SPART: variants seen among roughly 807,000 people sequenced by gnomAD.
The protein encoded by SPART is spartin, also known as spastic paraplegia 20 (Troyer syndrome).
Under a neutral mutation model 58.7 loss-of-function variants are expected in SPART, and 35 were observed. The observed-to-expected ratio is 0.60, with a 90% CI of 0.46 to 0.79. The LOEUF (loss-of-function observed/expected upper bound fraction) is 0.79. SPART is among the 30% of genes least tolerant of loss of function. The probability of loss-of-function intolerance (pLI) is 0.00; values close to 1 mark genes in which losing one functional copy is unlikely to be tolerated. For missense variants in SPART, 730 were observed against 786.1 expected, an observed-to-expected ratio of 0.93 and a Z score of 0.85; for synonymous variants, 284 against 280.7, an observed-to-expected ratio of 1.01 and a Z score of -0.12.
At chr13:36,339,462 C>T (rs1884353246) in intron 1 of SPART, among the ~76,000 whole-genome samples, 2 of 151,180 alleles carry the variant, frequency 1.3e-5, no homozygotes, top group Admixed American at 6.6e-5. Flanking sequence ...TGGTGAAACC[C>T]CGTCTAAAAA....
chr13:36,340,577 C>A (rs990588853), intron 1 of SPART, among the ~76,000 whole-genome samples: 6 of 152,058 alleles, frequency 3.9e-5, no homozygotes. Flanking sequence ...AAAATAGCTT[C>A]TAAACCCAGC....
chr13:36,351,692 TG>T (rs1885416692), intron 1 of SPART, among the ~76,000 whole-genome samples: 2 of 152,192 alleles, frequency 1.3e-5, no homozygotes, highest in African/African-American at 4.8e-5. Flanking sequence ...TTACAAATCC[TG>T]GGTGATTATG....
intron 1 of SPART, among the ~76,000 whole-genome samples, chr13:36,353,752 T>C (rs1242967268): frequency 6.6e-6 from 1 of 152,192 alleles, no homozygotes; most frequent in Non-Finnish European, 1.5e-5. Flanking sequence ...CAGGCAGATG[T>C]TTGACCATTT....
At chr13:36,318,775 A>G (rs923909706) in intron 5 of SPART, among the ~76,000 whole-genome samples, 91 of 152,096 alleles carry the variant, frequency 6.0e-4, no homozygotes, top group Admixed American at 6.5e-4. Flanking sequence ...ATTCCTCCTA[A>G]GCCCCGTCCC....
rs545887086 is a variant in SPART at position 36,360,092 on chromosome 13, G to A, written c.-3+9997C>T. Among the ~76,000 whole-genome samples, 248 of 151,640 alleles carry A rather than the reference G, an allele frequency of 1.6e-3. 2 individuals are homozygous for A. Among genetic ancestry groups the A allele is most frequent in the African/African-American group, 5.7e-3 (235 of 41,306 alleles). ...GGGCAGATCACGAGGTCAGGAGATC[G>A]AGACCATCCTGGCTAATACAGTGAA... On this transcript the variant is annotated intron_variant, in intron 1 of 8. Transcript: ENST00000355182.
At chr13:36,338,032 G>A (rs1381837710) in intron 1 of SPART, among the ~76,000 whole-genome samples, 1 of 152,154 alleles carries the variant, frequency 6.6e-6, no homozygotes, top group Non-Finnish European at 1.5e-5. Context: ...CATGTGACAA[G>A]TGTTTAGTTA....
chr13:36,305,697 T>C (rs1880446892), intron 8 of SPART, among the ~76,000 whole-genome samples: 2 of 152,200 alleles, frequency 1.3e-5, no homozygotes, highest in African/African-American at 2.4e-5. Flanking sequence ...TGAGGTCCTA[T>C]ACAGGCACAC....
intron 4 of SPART, among the ~76,000 whole-genome samples, chr13:36,328,712 T>C (rs1883182703): frequency 6.6e-6 from 1 of 152,154 alleles, no homozygotes. Flanking sequence ...TTAGAATATA[T>C]TACATACTCA....
chr13:36,344,504 T>TTA (rs1264200838), intron 1 of SPART, among the ~76,000 whole-genome samples: 2 of 152,084 alleles, frequency 1.3e-5, no homozygotes, highest in Admixed American at 6.5e-5. Context: ...TATCTAGAGG[T>TTA]TATATATAAG....
At chr13:36,314,562 C>T (rs1464120937) in intron 5 of SPART, 141 bp from the exon 6 acceptor site, 2 of 858,362 alleles carry the variant, frequency 2.3e-6, no homozygotes, top group Non-Finnish European at 3.7e-6. Flanking sequence ...AACTTTCAAG[C>T]TAACTTTATA....
chr13:36,361,340 C>G (rs1398714523), intron 1 of SPART, among the ~76,000 whole-genome samples: 2 of 152,164 alleles, frequency 1.3e-5, no homozygotes, highest in East Asian at 1.9e-4. Flanking sequence ...CAAACACAAG[C>G]ACCACCAGAG....
At chr13:36,332,209 A>C (rs1333745561) in intron 2 of SPART, among the ~76,000 whole-genome samples, 3 of 152,208 alleles carry the variant, frequency 2.0e-5, no homozygotes, top group Non-Finnish European at 4.4e-5. Flanking sequence ...CAGCACTCAC[A>C]GGCCGGGCAC....
chr13:36,314,546 G>T, intron 5 of SPART, 125 bp from the exon 6 acceptor site: 2 of 958,052 alleles, frequency 2.1e-6, no homozygotes, highest in Non-Finnish European at 3.2e-6. Context: ...AATGTGCCAT[G>T]TCATAAACTT....
At chr13:36,309,609 T>C (rs996543071) in intron 8 of SPART, among the ~76,000 whole-genome samples, 1 of 152,176 alleles carries the variant, frequency 6.6e-6, no homozygotes, top group Non-Finnish European at 1.5e-5. Context: ...TGGAGGCCAT[T>C]ATTCTAAGCG....
At chr13:36,367,185 G>C (rs1388361905) in intron 1 of SPART, among the ~76,000 whole-genome samples, 1 of 152,086 alleles carries the variant, frequency 6.6e-6, no homozygotes, top group Admixed American at 6.6e-5. Flanking sequence ...GGCTCTTAGA[G>C]CCAGGCCAGC....
chr13:36,304,498 G>A lies in SPART; in HGVS notation c.1868C>T (p.Thr623Ile). ...AACTATCTGATAGTCCTCAAGGAGA[G>A]TGTGTCCTGTTTGTGTTGCAGTTTT... is the stretch of plus-strand genomic sequence containing the variant. ...VKKTATQTGHTLLEDYQIVDN... is the reference protein window; with the variant it reads ...VKKTATQTGHILLEDYQIVDN... Residue 623 changes from threonine to isoleucine, a missense_variant, in exon 9 of 9, where the codon ACT becomes ATT. By Grantham distance (89) the Thr-to-Ile change is moderately conservative (BLOSUM62 -1). Coordinates refer to ENST00000438666, the MANE Select transcript of SPART (RefSeq NM_015087.5). The A allele has an allele frequency of 6.2e-7, 1 of 1,614,130 alleles. No homozygotes were observed. Among genetic ancestry groups the A allele is most frequent in the Non-Finnish European group, 8.5e-7 (1 of 1,180,014 alleles).
intron 8 of SPART, among the ~76,000 whole-genome samples, chr13:36,307,376 C>T (rs543417243): frequency 6.6e-6 from 1 of 152,120 alleles, no homozygotes; most frequent in African/African-American, 2.4e-5. Flanking sequence ...TGAAGTTACC[C>T]CTTCATCCAG....
rs1348275396 is a variant in SPART at position 36,304,197 on chromosome 13, C to A, written c.*168G>T. 1 of 756,478 alleles carries A rather than the reference C, an allele frequency of 1.3e-6. No individual in the cohort carries two copies. The allele number at this position is 756,478 out of a possible 1,614,324, so 46.9% of individuals were successfully genotyped here. Reference sequence around the variant, plus strand: ...AAGGCCAGATGCAAGAATACTTATTCTTTTCCTTTTAAATAGAAGACATGC... The same window carrying A: ...AAGGCCAGATGCAAGAATACTTATTATTTTCCTTTTAAATAGAAGACATGC... On this transcript the variant is annotated 3_prime_UTR_variant, in exon 9 of 9. Coordinates refer to ENST00000438666, the MANE Select transcript of SPART (RefSeq NM_015087.5).
chr13:36,349,751 T>C (rs1885340458), upstream of SPART, among the ~76,000 whole-genome samples: 1 of 152,236 alleles, frequency 6.6e-6, no homozygotes, highest in African/African-American at 2.4e-5. Flanking sequence ...AATTATCTGT[T>C]ATCTCTGTGG....
Sources: allele counts gnomAD v4.1 joint callset (sites outside exome capture counted in the v4.1 genomes callset), GRCh38; gene constraint gnomAD v4.1.1; transcripts MANE v1.5; gene names NCBI Gene and HGNC (gene_info 2026-07-23, HGNC 2026-07-21).